LRMDA: variants seen among roughly 807,000 people sequenced by gnomAD.
The protein encoded by LRMDA is leucine rich melanocyte differentiation associated.
Under a neutral mutation model 29.8 loss-of-function variants are expected in LRMDA, and 18 were observed. The ratio of observed to expected loss-of-function variants is 0.60; its 90% confidence interval spans 0.42 to 0.90. The LOEUF (loss-of-function observed/expected upper bound fraction) is 0.90. Among genes scored for constraint, LRMDA ranks in the 40% least tolerant of loss-of-function variants. The pLI is 0.00. For synonymous variants in LRMDA, 125 were observed against 109.4 expected, an observed-to-expected ratio of 1.14 and a Z score of -0.89; for missense variants, 273 against 273.9, an observed-to-expected ratio of 1.00 and a Z score of 0.02.
chr10:75,548,858 T>C (rs1379904836), intron 2 of LRMDA, among the ~76,000 whole-genome samples: 2 of 152,110 alleles, frequency 1.3e-5, no homozygotes, highest in East Asian at 3.9e-4. Context: ...AGGTAACTCC[T>C]CAAAAAGTCT....
chr10:76,384,024 A>G (rs1314445625), intron 6 of LRMDA, among the ~76,000 whole-genome samples: 1 of 147,136 alleles, frequency 6.8e-6, no homozygotes, highest in African/African-American at 2.5e-5. Flanking sequence ...CCCCCTTTCC[A>G]TCCCACTTCT....
intron 2 of LRMDA, among the ~76,000 whole-genome samples, chr10:75,983,462 T>G (rs921554479): frequency 2.0e-5 from 3 of 152,204 alleles, no homozygotes; most frequent in Non-Finnish European, 4.4e-5. Context: ...GTCTTACCTG[T>G]CATTGAATCC....
At chr10:75,812,438 C>A (rs1239554700) in intron 2 of LRMDA, among the ~76,000 whole-genome samples, 1 of 152,128 alleles carries the variant, frequency 6.6e-6, no homozygotes, top group African/African-American at 2.4e-5. Flanking sequence ...TTAGAGATTT[C>A]TTTCTGCTCT....
At chr10:75,690,945 G>A (rs773959530) in intron 2 of LRMDA, among the ~76,000 whole-genome samples, 14 of 144,594 alleles carry the variant, frequency 9.7e-5, no homozygotes, top group Non-Finnish European at 1.5e-4. Context: ...GAGCCATTGT[G>A]CAACAGAGCA....
chr10:76,503,848 A>G (rs1842934988), intron 6 of LRMDA, among the ~76,000 whole-genome samples: 1 of 144,068 alleles, frequency 6.9e-6, no homozygotes, highest in Admixed American at 6.8e-5. Context: ...TCTAATTTTA[A>G]TTATTTATTT....
chr10:76,084,666 G>C (rs1471934573), intron 5 of LRMDA, among the ~76,000 whole-genome samples: 1 of 152,210 alleles, frequency 6.6e-6, no homozygotes, highest in South Asian at 2.1e-4. Context: ...TATGTTGAAG[G>C]TTAAAAATGA....
chr10:76,464,562 T>C (rs1014436391), intron 6 of LRMDA, among the ~76,000 whole-genome samples: 12 of 152,228 alleles, frequency 7.9e-5, no homozygotes, highest in Non-Finnish European at 1.5e-4. Flanking sequence ...AAGGGTTATC[T>C]TTCCAGCTGT....
chr10:75,497,395 A>G (rs991082160), intron 2 of LRMDA, among the ~76,000 whole-genome samples: 1 of 152,072 alleles, frequency 6.6e-6, no homozygotes, highest in African/African-American at 2.4e-5. Context: ...ATTTCATAGT[A>G]AGTTACAGAC....
chr10:76,271,173 C>T (rs759236152), intron 5 of LRMDA, among the ~76,000 whole-genome samples: 32 of 152,228 alleles, frequency 2.1e-4, no homozygotes, highest in Admixed American at 4.6e-4. Flanking sequence ...TTTGGGAGGC[C>T]GAGGTGGGTG....
chr10:76,061,002 C>T (rs1234037198), intron 5 of LRMDA, among the ~76,000 whole-genome samples: 1 of 152,154 alleles, frequency 6.6e-6, no homozygotes, highest in South Asian at 2.1e-4. Flanking sequence ...ACCATTTGAC[C>T]TAGCAATCCT....
chr10:75,723,805 G>A (rs980423811), intron 2 of LRMDA, among the ~76,000 whole-genome samples: 1 of 152,198 alleles, frequency 6.6e-6, no homozygotes, highest in African/African-American at 2.4e-5. Context: ...AGTTGTTTCC[G>A]TTGTGTGAAT....
intron 6 of LRMDA, among the ~76,000 whole-genome samples, chr10:76,466,652 C>T (rs1054113494): frequency 2.0e-5 from 3 of 151,928 alleles, no homozygotes; most frequent in African/African-American, 7.3e-5. Flanking sequence ...AAAAGTTATC[C>T]GGGCATGGTG....
At chr10:76,378,613 T>C (rs1339933099) in intron 6 of LRMDA, among the ~76,000 whole-genome samples, 1 of 151,682 alleles carries the variant, frequency 6.6e-6, no homozygotes, top group Non-Finnish European at 1.5e-5. Flanking sequence ...TTATTGACTG[T>C]TTTTTTTCTA....
intron 2 of LRMDA, among the ~76,000 whole-genome samples, chr10:75,510,372 A>T (rs951278339): frequency 1.3e-5 from 2 of 152,244 alleles, no homozygotes; most frequent in African/African-American, 4.8e-5. Flanking sequence ...GAGGAGAGTC[A>T]GAGGTGAAGA....
chr10:76,423,359 A>G (rs903675856), intron 6 of LRMDA, among the ~76,000 whole-genome samples: 2 of 152,146 alleles, frequency 1.3e-5, no homozygotes, highest in Non-Finnish European at 2.9e-5. Context: ...GTGCCTCTAC[A>G]CTCCAGCCTA....
chr10:75,733,568 G>T (rs1842724922), intron 2 of LRMDA, among the ~76,000 whole-genome samples: 1 of 152,152 alleles, frequency 6.6e-6, no homozygotes, highest in Non-Finnish European at 1.5e-5. Flanking sequence ...AAACAAAAAT[G>T]AGTGGGACTT....
intron 6 of LRMDA, among the ~76,000 whole-genome samples, chr10:76,335,908 G>A (rs1158656651): frequency 6.6e-6 from 1 of 152,164 alleles, no homozygotes; most frequent in African/African-American, 2.4e-5. Context: ...CCAACAGGGA[G>A]GAGGGCATAA....
chr10:76,523,398 T>C (rs1267872982), intron 6 of LRMDA, among the ~76,000 whole-genome samples: 1 of 152,130 alleles, frequency 6.6e-6, no homozygotes, highest in Non-Finnish European at 1.5e-5. Flanking sequence ...ATGGCTTACC[T>C]CTTCCCTCAG....
chr10:76,015,786 A>G (rs997256409), intron 2 of LRMDA, among the ~76,000 whole-genome samples: 3 of 152,238 alleles, frequency 2.0e-5, no homozygotes, highest in Non-Finnish European at 4.4e-5. Flanking sequence ...TTCATTGGCT[A>G]TCTTTAATCA....
Sources: gnomAD v4.1 joint callset for allele counts (sites outside exome capture counted in the v4.1 genomes callset) on GRCh38, gnomAD v4.1.1 for gene constraint, MANE v1.5 for transcripts, NCBI Gene and HGNC (gene_info 2026-07-23, HGNC 2026-07-21) for gene names.